Variants in ADGRB3 observed in about 807,000 individuals in gnomAD.
The protein encoded by ADGRB3 is brain-specific angiogenesis inhibitor 3.
In ADGRB3, 37 loss-of-function variants were observed where a neutral mutation model predicts 193.4. The observed-to-expected ratio is 0.19, with a 90% CI of 0.15 to 0.25. ADGRB3 has a LOEUF of 0.25. Among genes scored for constraint, ADGRB3 ranks in the 10% least tolerant of loss-of-function variants. The pLI is 1.00. For synonymous variants in ADGRB3, 690 were observed against 644.2 expected (o/e 1.07, Z -1.08); for missense variants, 1,637 against 1,852.9 (o/e 0.88, Z 2.14).
At chr6:69,197,202 A>G (rs1765319087) in intron 17 of ADGRB3, among the ~76,000 whole-genome samples, 1 of 152,132 alleles carries the variant, frequency 6.6e-6, no homozygotes, top group Admixed American at 6.6e-5. Flanking sequence ...TCAACTTACT[A>G]GTCCCTGCTT....
At chr6:68,776,371 G>C (rs778533676) in intron 3 of ADGRB3, among the ~76,000 whole-genome samples, 27 of 152,168 alleles carry the variant, frequency 1.8e-4, no homozygotes, top group Admixed American at 1.2e-3. Flanking sequence ...ATAGAATAAA[G>C]TTTCATATGC....
intron 17 of ADGRB3, among the ~76,000 whole-genome samples, chr6:69,181,493 A>G (rs1423792531): frequency 1.3e-5 from 2 of 152,166 alleles, no homozygotes; most frequent in East Asian, 3.9e-4. Flanking sequence ...GGTAAGACAT[A>G]TAGAATTGGA....
At chr6:69,127,495 A>C (rs563024816) in intron 17 of ADGRB3, among the ~76,000 whole-genome samples, 2 of 152,258 alleles carry the variant, frequency 1.3e-5, no homozygotes, top group Admixed American at 1.3e-4. Context: ...ATTTAGCTTC[A>C]ATTCCGATTT....
At chr6:69,026,735 T>A (rs1240333078) in intron 13 of ADGRB3, among the ~76,000 whole-genome samples, 1 of 152,184 alleles carries the variant, frequency 6.6e-6, no homozygotes, top group Non-Finnish European at 1.5e-5. Context: ...GCTACAAACC[T>A]ACACAACATG....
intron 17 of ADGRB3, among the ~76,000 whole-genome samples, chr6:69,218,068 CAA>C (rs556270079): frequency 2.2e-4 from 18 of 81,182 alleles, no homozygotes; most frequent in South Asian, 4.0e-4. Flanking sequence ...CTCCAGCTGA[CAA>C]AAAAAAAAAA....
chr6:69,305,294 A>T (rs1768041244), intron 20 of ADGRB3, among the ~76,000 whole-genome samples: 1 of 151,584 alleles, frequency 6.6e-6, no homozygotes, highest in African/African-American at 2.4e-5. Flanking sequence ...TGTTAATCAT[A>T]TGGTGTTCAA....
At chr6:69,388,102 T>A (rs1770112565) in intron 31 of ADGRB3, among the ~76,000 whole-genome samples, 1 of 66,022 alleles carries the variant, frequency 1.5e-5, no homozygotes, top group Non-Finnish European at 3.5e-5. Flanking sequence ...AACAGTTAAA[T>A]TTTATCTCAT....
intron 12 of ADGRB3, among the ~76,000 whole-genome samples, chr6:69,014,668 C>T (rs1770037327): frequency 6.6e-6 from 1 of 151,680 alleles, no homozygotes; most frequent in Non-Finnish European, 1.5e-5. Flanking sequence ...TTTGTGGTAT[C>T]CTAACTGATA....
At chr6:68,698,645 T>C (rs181999372) in intron 3 of ADGRB3, among the ~76,000 whole-genome samples, 86 of 152,128 alleles carry the variant, frequency 5.7e-4, no homozygotes, top group African/African-American at 2.0e-3. Flanking sequence ...CAGGAGCCTT[T>C]AAAAAATGAA....
At chr6:68,880,992 T>C (rs1765715533) in intron 3 of ADGRB3, among the ~76,000 whole-genome samples, 1 of 152,172 alleles carries the variant, frequency 6.6e-6, no homozygotes, top group Non-Finnish European at 1.5e-5. Flanking sequence ...TTTTATTTTT[T>C]ATGTTTTTTT....
At chr6:69,347,558 C>T (rs1357959849) in intron 26 of ADGRB3, among the ~76,000 whole-genome samples, 2 of 151,940 alleles carry the variant, frequency 1.3e-5, no homozygotes, top group African/African-American at 2.4e-5. Context: ...GGGAGGATTG[C>T]TTGAGGCCTG....
intron 31 of ADGRB3, among the ~76,000 whole-genome samples, chr6:69,387,246 T>C (rs562993709): frequency 1.3e-5 from 2 of 152,198 alleles, no homozygotes; most frequent in South Asian, 4.1e-4. Context: ...TCATCCTCCC[T>C]GGTAGCTAAT....
intron 17 of ADGRB3, among the ~76,000 whole-genome samples, chr6:69,230,815 G>T (rs1336126232): frequency 6.6e-6 from 1 of 152,078 alleles, no homozygotes; most frequent in African/African-American, 2.4e-5. Flanking sequence ...TGCTCTTCTT[G>T]TAGCAGATGC....
chr6:69,314,139 A>G (rs980174573), intron 20 of ADGRB3, among the ~76,000 whole-genome samples: 13 of 151,682 alleles, frequency 8.6e-5, no homozygotes, highest in African/African-American at 3.1e-4. Context: ...TTGAATTCCC[A>G]CAGCTCACAT....
At chr6:69,032,667 C>G (rs1013012792) in intron 13 of ADGRB3, among the ~76,000 whole-genome samples, 1 of 152,148 alleles carries the variant, frequency 6.6e-6, no homozygotes, top group Non-Finnish European at 1.5e-5. Context: ...TCCTTTCCTC[C>G]TTTGCTTCCT....
In ADGRB3 at chr6:68,969,079, A is replaced by G. The variant is rs1229286376; in HGVS notation, c.1526-5684A>G. On this transcript the variant is annotated intron_variant, in intron 8 of 31. Transcript: ENST00000370598. ...TGAAAGTGTTTTGAACACATACTGT[A>G]TACTAGATACCACTGTAGTTCATTA... 2.6e-5 allele frequency among the ~76,000 whole-genome samples: 4 copies of G among 152,052 alleles called. No homozygotes were observed. In the South Asian group the frequency reaches 6.2e-4, roughly 24 times the overall value.
At chr6:69,054,298 A>T (rs1048837371) in intron 15 of ADGRB3, among the ~76,000 whole-genome samples, 1 of 152,198 alleles carries the variant, frequency 6.6e-6, no homozygotes, top group Non-Finnish European at 1.5e-5. Context: ...ATTTTTATAT[A>T]TTCAGGAAAT....
intron 11 of ADGRB3, among the ~76,000 whole-genome samples, chr6:69,001,054 T>A (rs1484319625): frequency 6.6e-6 from 1 of 151,980 alleles, no homozygotes. Flanking sequence ...GAAAAAAAAA[T>A]AACTTGAATG....
chr6:69,143,001 A>C (rs1222180159), intron 17 of ADGRB3, among the ~76,000 whole-genome samples: 1 of 152,158 alleles, frequency 6.6e-6, no homozygotes, highest in Non-Finnish European at 1.5e-5. Context: ...TCCCACCAAC[A>C]GTGGATGAAG....
Sources: allele counts gnomAD v4.1 joint callset (sites outside exome capture counted in the v4.1 genomes callset), GRCh38; gene constraint gnomAD v4.1.1; transcripts MANE v1.5; gene names NCBI Gene and HGNC (gene_info 2026-07-23, HGNC 2026-07-21).